Variants in CA10 observed in about 807,000 individuals in gnomAD.
CA10 encodes the protein carbonic anhydrase 10 (inactive), also known as carbonic anhydrase-related protein 10.
In CA10, 14 loss-of-function variants were observed where a neutral mutation model predicts 44.2. The ratio of observed to expected loss-of-function variants is 0.32; its 90% CI spans 0.21 to 0.50. The LOEUF (loss-of-function observed/expected upper bound fraction) is 0.50. Among genes scored for constraint, CA10 ranks in the 20% least tolerant of loss-of-function variants. The probability of loss-of-function intolerance (pLI) is 0.99; values close to 1 mark genes in which losing one functional copy is unlikely to be tolerated. For missense variants in CA10, 350 were observed against 409.7 expected (o/e 0.85, Z 1.26); for synonymous variants, 159 against 141.6 (o/e 1.12, Z -0.87).
At chr17:52,086,874 A>G (rs953455988) in intron 1 of CA10, among the ~76,000 whole-genome samples, 1 of 152,198 alleles carries the variant, frequency 6.6e-6, no homozygotes, top group East Asian at 1.9e-4. Flanking sequence ...TTCCACATGC[A>G]GCTTTAGCCA....
intron 2 of CA10, among the ~76,000 whole-genome samples, chr17:51,976,742 T>C (rs1984477705): frequency 6.6e-6 from 1 of 150,662 alleles, no homozygotes; most frequent in African/African-American, 2.4e-5. Context: ...AAAGGGAATG[T>C]TAAAAATGAG....
In CA10 at chr17:52,072,259, AT is replaced by A. The variant is rs1356358910; in HGVS notation, c.136+59del. 3.4e-6 allele frequency: 4 copies of A among 1,185,768 alleles called. No individual in the cohort carries two copies. In the African/African-American group the frequency reaches 4.6e-5, roughly 14 times the overall value. The allele number at this position is 1,185,768 out of a possible 1,614,324, so 73.5% of individuals were successfully genotyped here. On this transcript the variant is annotated intron_variant, in intron 2 of 8. Coordinates refer to ENST00000451037, the MANE Select transcript of CA10 (RefSeq NM_020178.5). ...TTTGCAATGTAAAATCCTGGAAATA[AT>A]GCTAGCCTTCATTCTAATTGTTTTT...
intron 1 of CA10, among the ~76,000 whole-genome samples, chr17:52,078,060 C>G (rs1279429074): frequency 3.3e-5 from 5 of 152,226 alleles, no homozygotes; most frequent in African/African-American, 4.8e-5. Context: ...CAGACTAAAA[C>G]TTCCCAAAGA....
chr17:51,860,049 T>C (rs913852075), intron 3 of CA10, among the ~76,000 whole-genome samples: 1 of 152,188 alleles, frequency 6.6e-6, no homozygotes, highest in Non-Finnish European at 1.5e-5. Flanking sequence ...AAGATTTACT[T>C]ATTCCTGATT....
intron 3 of CA10, among the ~76,000 whole-genome samples, chr17:51,758,830 A>G (rs910453224): frequency 6.6e-6 from 1 of 152,008 alleles, no homozygotes; most frequent in Non-Finnish European, 1.5e-5. Context: ...CTGACACAAA[A>G]CCTTCGAGGT....
intron 2 of CA10, among the ~76,000 whole-genome samples, chr17:52,025,556 T>C (rs1331855665): frequency 1.3e-5 from 2 of 152,110 alleles, no homozygotes; most frequent in African/African-American, 2.4e-5. Context: ...ATGGATTTTT[T>C]GCTTCAAGTT....
chr17:52,007,918 T>C lies in CA10; in HGVS notation c.136+64401A>G, dbSNP rs542289056. Among the ~76,000 whole-genome samples the C allele has an allele frequency of 7.3e-5, 11 of 151,718 alleles. No homozygotes were observed. The East Asian group carries it at 2.1e-3, about 30-fold the overall frequency. ...TTCAAACTAAGTTTTCAAGCAACTT[T>C]AATAATTTAATTTATTAAGAAAACT... On this transcript the variant is annotated intron_variant, in intron 2 of 8. Transcript: ENST00000451037.
At chr17:51,775,485 A>G (rs928115626) in intron 3 of CA10, among the ~76,000 whole-genome samples, 4 of 152,168 alleles carry the variant, frequency 2.6e-5, no homozygotes, top group African/African-American at 9.7e-5. Flanking sequence ...GTTATTTACT[A>G]TAGCCATCTC....
intron 3 of CA10, among the ~76,000 whole-genome samples, chr17:51,834,456 T>C (rs1038830933): frequency 1.3e-5 from 2 of 152,234 alleles, no homozygotes; most frequent in Admixed American, 6.5e-5. Context: ...TGGCAATTAC[T>C]TAGAAGAAAG....
chr17:52,120,478 ATCTTT>A (rs1349564513), intron 1 of CA10, among the ~76,000 whole-genome samples: 2 of 147,632 alleles, frequency 1.4e-5, no homozygotes, highest in East Asian at 3.9e-4. Flanking sequence ...CCTTATCCTT[ATCTTT>A]AACCTAAGGG....
chr17:52,053,062 A>T (rs546196172), intron 2 of CA10, among the ~76,000 whole-genome samples: 1 of 152,170 alleles, frequency 6.6e-6, no homozygotes, highest in East Asian at 1.9e-4. Context: ...ACAGAAATGA[A>T]AAAATAAGGA....
At chr17:52,103,375 G>A (rs1988585872) in intron 1 of CA10, among the ~76,000 whole-genome samples, 1 of 152,182 alleles carries the variant, frequency 6.6e-6, no homozygotes, top group Non-Finnish European at 1.5e-5. Flanking sequence ...AATCCACAGT[G>A]ACTTCTAAGG....
At chr17:51,673,976 C>G (rs577480250) in intron 4 of CA10, among the ~76,000 whole-genome samples, 1 of 148,488 alleles carries the variant, frequency 6.7e-6, no homozygotes, top group Non-Finnish European at 1.5e-5. Context: ...CCTTCCCCCC[C>G]AGGTTCATCT....
intron 2 of CA10, among the ~76,000 whole-genome samples, chr17:51,990,077 A>G (rs1038982988): frequency 3.9e-5 from 6 of 152,192 alleles, no homozygotes; most frequent in African/African-American, 1.4e-4. Context: ...ATTTGTTTAT[A>G]TATCTGTCTC....
chr17:52,059,560 C>T (rs1023371793), intron 2 of CA10, among the ~76,000 whole-genome samples: 3 of 152,044 alleles, frequency 2.0e-5, no homozygotes, highest in Non-Finnish European at 2.9e-5. Context: ...ATTAGAAGAT[C>T]TATCAAATGT....
intron 2 of CA10, among the ~76,000 whole-genome samples, chr17:51,977,646 T>G (rs905639316): frequency 2.3e-4 from 35 of 152,112 alleles, no homozygotes; most frequent in African/African-American, 8.2e-4. Context: ...CAGATGTATA[T>G]TGACAGCATT....
chr17:52,112,211 T>C (rs1178929602), intron 1 of CA10, among the ~76,000 whole-genome samples: 1 of 151,964 alleles, frequency 6.6e-6, no homozygotes, highest in African/African-American at 2.4e-5. Flanking sequence ...AAACTCACAA[T>C]TTGGTATGGG....
intron 2 of CA10, among the ~76,000 whole-genome samples, chr17:52,063,607 A>G (rs1028619062): frequency 6.6e-6 from 1 of 152,060 alleles, no homozygotes; most frequent in Admixed American, 6.6e-5. Flanking sequence ...AGAACCTGGC[A>G]ATTTCTCTGT....
intron 3 of CA10, among the ~76,000 whole-genome samples, chr17:51,828,470 T>A (rs535143865): frequency 6.6e-6 from 1 of 152,164 alleles, no homozygotes; most frequent in Non-Finnish European, 1.5e-5. Context: ...GAGACCTTAA[T>A]GTATTATTGT....
Sources: allele counts gnomAD v4.1 joint callset (sites outside exome capture counted in the v4.1 genomes callset), GRCh38; gene constraint gnomAD v4.1.1; transcripts MANE v1.5; gene names NCBI Gene and HGNC (gene_info 2026-07-23, HGNC 2026-07-21).